ZNF853: variants seen among roughly 807,000 people sequenced by gnomAD.
ZNF853 encodes the protein zinc finger protein 853.
A neutral mutation model predicts 94.7 loss-of-function variants in ZNF853; 57 were observed. That is an observed-to-expected ratio of 0.60 (90% confidence interval 0.49 to 0.75). ZNF853 has a LOEUF of 0.75. ZNF853 is among the 30% of genes least tolerant of loss of function. The pLI is 0.00. For missense variants in ZNF853, 785 were observed against 868.9 expected, an observed-to-expected ratio of 0.90 and a Z score of 1.21; for synonymous variants, 448 against 406.3, an observed-to-expected ratio of 1.10 and a Z score of -1.23.
Position 6,621,833 on chromosome 7 carries a change from A to G in ZNF853, c.842A>G (p.Gln281Arg). 6.4e-7 allele frequency: 1 copy of G among 1,550,704 alleles called. No homozygotes were observed. The highest frequency in any genetic ancestry group is 1.2e-5 in the South Asian group (1 of 84,014). Residue 281 changes from glutamine (Q) to arginine (R), a missense_variant, in exon 3 of 3, where the codon CAG becomes CGG. By Grantham distance (43) the Gln-to-Arg change is conservative. Coordinates refer to ENST00000457543, the MANE Select transcript of ZNF853 (RefSeq NM_017560.3). ...CAGTTACAGCAGCAGCTACTGCTGCAGCAGCAGGAACAGTTACAGCAGCAG... is the reference window on the plus strand; with the variant it reads ...CAGTTACAGCAGCAGCTACTGCTGCGGCAGCAGGAACAGTTACAGCAGCAG... ...QAQLQQQLLLQQQEQLQQQQQ... is the reference protein window; with the variant it reads ...QAQLQQQLLLRQQEQLQQQQQ...
chr7:6,622,852 G>C lies in ZNF853; in HGVS notation c.1861G>C (p.Gly621Arg). The C allele has an allele frequency of 1.4e-6, 2 of 1,472,498 alleles. No individual in the cohort carries two copies. Among genetic ancestry groups the C allele is most frequent in the South Asian group, 1.3e-5 (1 of 77,710 alleles). 91.2% of individuals were successfully genotyped at this position (1,472,498 alleles called of 1,614,324 possible). A position where few individuals can be genotyped will look rare whatever the true frequency, so the allele number is the denominator to read the frequency against. ...CCGCCGCCACGAGCGCCAGCTGCAC[G>C]GCGCGGGCCGCTCCAGGGGCCTCGG... ...QIRRHERQLHGAGRSRGLGLL... is the reference protein window; with the variant it reads ...QIRRHERQLHRAGRSRGLGLL... The change falls in exon 3 of 3, where the codon GGC (glycine) becomes CGC (arginine). Residue 621 changes from glycine to arginine, a missense_variant. By Grantham distance (125) the Gly-to-Arg change is moderately radical. Transcript: ENST00000457543.
In ZNF853 at chr7:6,615,674, C is replaced by T. The variant is rs1782483439; in HGVS notation, c.-501C>T. On this transcript the variant is annotated 5_prime_UTR_variant, in exon 1 of 3. Coordinates refer to ENST00000457543, the MANE Select transcript of ZNF853 (RefSeq NM_017560.3). The surrounding 1 kb of genome is among the most constrained non-coding windows in gnomAD (Gnocchi z 8.5). ...GGGCGGGCGGGCGAGCCCAGGGGGA[C>T]CCGGCCTTGCCGCGGCGCCCGCCCC... 2 of 145,420 alleles carry T rather than the reference C, an allele frequency of 1.4e-5. No individual in the cohort carries two copies. The highest frequency in any genetic ancestry group is 2.0e-4 in the South Asian group (1 of 5,068). The allele number at this position is 145,420 out of a possible 1,614,324, so 9.0% of individuals were successfully genotyped here. A position where few individuals can be genotyped will look rare whatever the true frequency, so the allele number is the denominator to read the frequency against.
Position 6,622,346 on chromosome 7 carries a change from TG to T in ZNF853, c.1357del (p.Ala453GlnfsTer17). ...CAGGAGCTCATGGTGCTGCCCGCCGTGGCAGCGCCGGCCGTGGTGGCCATCC... is the reference window on the plus strand; with the variant it reads ...CAGGAGCTCATGGTGCTGCCCGCCGTGCAGCGCCGGCCGTGGTGGCCATCC... ...VVQELMVLPA[V>X]AAPAVVAIPG... On this transcript the variant is annotated frameshift_variant, in exon 3 of 3. Transcript: ENST00000457543. LOFTEE classifies it high-confidence loss of function. The T allele has an allele frequency of 6.9e-7, 1 of 1,458,702 alleles. No individual in the cohort carries two copies. Among genetic ancestry groups the T allele is most frequent in the East Asian group, 2.9e-5 (1 of 34,084 alleles). 90.4% of individuals were successfully genotyped at this position (1,458,702 alleles called of 1,614,324 possible).
intron 2 of ZNF853, chr7:6,617,521 T>C: frequency 3.3e-6 from 3 of 905,622 alleles, no homozygotes; most frequent in Non-Finnish European, 4.0e-6. Context: ...CCCACATGGG[T>C]GCTGACTGGA....
chr7:6,622,776 G>T lies in ZNF853; in HGVS notation c.1785G>T (p.Arg595=). 6 of 1,542,356 alleles carry T rather than the reference G, an allele frequency of 3.9e-6. No homozygotes were observed. Among genetic ancestry groups the T allele is most frequent in the Non-Finnish European group, 3.5e-6 (4 of 1,147,506 alleles). The part of the protein sequence containing the change: ...LRHRRTHSGE[R]PYVCEDCGER... ...ACCGGCGCACGCACTCGGGCGAGCG[G>T]CCCTACGTGTGCGAGGACTGTGGCG... The change falls in exon 3 of 3, where the codon CGG becomes CGT. Residue 595 remains arginine (R), a synonymous_variant. Transcript: ENST00000457543.
rs572290256 is a variant in ZNF853, at chr7:6,621,527, C to G, written c.536C>G (p.Thr179Arg). The G allele has an allele frequency of 1.3e-6, 2 of 1,550,884 alleles. No homozygotes were observed. Among genetic ancestry groups the G allele is most frequent in the Non-Finnish European group, 1.7e-6 (2 of 1,146,746 alleles). ...CAGCAGCAGCAGGAGCAGTTACAGA[C>G]GCAGCAAGCACAAGAGCAACAGGTA... Reference protein sequence around the residue: ...RLQQQQEQLQTQQAQEQQVLQ... With the variant: ...RLQQQQEQLQRQQAQEQQVLQ... Residue 179 changes from threonine (T) to arginine (R), a missense_variant, in exon 3 of 3, where the codon ACG (threonine) becomes AGG (arginine). Transcript: ENST00000457543.
intron 1 of ZNF853, 87 bp downstream of exon 1, chr7:6,616,273 T>A: frequency 7.2e-7 from 1 of 1,380,876 alleles, no homozygotes; most frequent in Non-Finnish European, 1.0e-6. Flanking sequence ...TCGGCCTGTT[T>A]AGGGGAGAGG....
rs1355482515 is a variant in ZNF853, at chr7:6,621,208, G to A, written c.217G>A (p.Val73Met). ...SPQRPAVSAP[V>M]GASEIAEETR... Reference sequence around the variant, plus strand: ...ACAGCGGCCAGCAGTCTCGGCCCCAGTGGGGGCCAGTGAAATCGCTGAGGA... The same window carrying A: ...ACAGCGGCCAGCAGTCTCGGCCCCAATGGGGGCCAGTGAAATCGCTGAGGA... Residue 73 changes from valine to methionine, a missense_variant, in exon 3 of 3, where the codon GTG becomes ATG. By Grantham distance (21) the Val-to-Met change is conservative. Transcript: ENST00000457543. 4.6e-6 allele frequency: 7 copies of A among 1,534,214 alleles called. No individual in the cohort carries two copies. Among genetic ancestry groups the A allele is most frequent in the Non-Finnish European group, 6.2e-6 (7 of 1,137,948 alleles).
Position 6,621,648 on chromosome 7 carries a change from G to C in ZNF853, c.657G>C (p.Gln219His). 2 of 1,550,004 alleles carry C rather than the reference G, an allele frequency of 1.3e-6. No individual in the cohort carries two copies. The highest frequency in any genetic ancestry group is 2.4e-5 in the South Asian group (2 of 84,004). ...TACAGCAGCAGCAGCTGCTACAACA[G>C]CAGGAACAGTTACAGCAGCAACAGT... The part of the protein sequence containing the change: ...EQLQQQQLLQ[Q>H]QEQLQQQQFQ... Residue 219 changes from glutamine to histidine, a missense_variant, in exon 3 of 3, where the codon CAG becomes CAC. Transcript: ENST00000457543.
In ZNF853 at chr7:6,622,643, G is replaced by T; in HGVS notation, c.1652G>T (p.Ser551Ile). 6.3e-7 allele frequency: 1 copy of T among 1,579,316 alleles called. No individual in the cohort carries two copies. The highest frequency in any genetic ancestry group is 1.4e-5 in the African/African-American group (1 of 73,896). ...TGCTCCTACTGCGCCAAGCGCTTCA[G>T]CGAGAGCTCGGCGCTCGTGCAGCAC... Reference protein sequence around the residue: ...YACSYCAKRFSESSALVQHQR... With the variant: ...YACSYCAKRFIESSALVQHQR... Residue 551 changes from serine to isoleucine, a missense_variant, in exon 3 of 3, where the codon AGC (serine) becomes ATC (isoleucine). Ser to Ile is a moderately radical substitution (Grantham distance 142). Coordinates refer to ENST00000457543, the MANE Select transcript of ZNF853 (RefSeq NM_017560.3).
At position 6,621,689 on chromosome 7, in the gene ZNF853, AAC is replaced by A; in HGVS notation, c.700_701del (p.Gln234ValfsTer276). ...CAGCAACAGTTTCAACAGCAGCAGG[AAC>A]AGTTACAGCAGCAGCAGCAGCTACT... On this transcript the variant is annotated frameshift_variant, in exon 3 of 3. Transcript: ENST00000457543. LOFTEE classifies it high-confidence loss of function. The A allele has an allele frequency of 6.4e-7, 1 of 1,551,510 alleles. No homozygotes were observed. The highest frequency in any genetic ancestry group is 8.7e-7 in the Non-Finnish European group (1 of 1,146,994).
chr7:6,619,396 C>T, intron 2 of ZNF853, among the ~76,000 whole-genome samples: 10 of 152,088 alleles, frequency 6.6e-5, no homozygotes, highest in East Asian at 1.9e-4. Context: ...CTCAGCCTCC[C>T]GAGTAGATGG....
Position 6,616,098 on chromosome 7 carries a change from G to C in ZNF853, c.-77G>C. 6.9e-7 allele frequency: 1 copy of C among 1,456,234 alleles called. No homozygotes were observed. Among genetic ancestry groups the C allele is most frequent in the South Asian group, 1.2e-5 (1 of 80,748 alleles). The allele number at this position is 1,456,234 out of a possible 1,614,324, so 90.2% of individuals were successfully genotyped here. A position where few individuals can be genotyped will look rare whatever the true frequency, so the allele number is the denominator to read the frequency against. On this transcript the variant is annotated 5_prime_UTR_variant, in exon 1 of 3. Transcript: ENST00000457543. ...ATGGAGGCGCCTCCGGAAGGAGCCG[G>C]CTGCACGCCGTGGCCTTCACCTCGC...
Position 6,615,995 on chromosome 7 carries a change from G to C in ZNF853, c.-180G>C, listed in dbSNP as rs11762851. On this transcript the variant is annotated 5_prime_UTR_variant, in exon 1 of 3. Transcript: ENST00000457543. The surrounding 1 kb of genome is among the most constrained non-coding windows in gnomAD (Gnocchi z 8.5). ...CCTTCCCTTGGCCCAGGGCGACCTC[G>C]GCAGCCCAGAGGGCGTGGACCCTCC... 0.29 allele frequency: 153,956 copies of C among 536,974 alleles called. 22,880 individuals are homozygous for C. The highest frequency in any genetic ancestry group is 0.41 in the Admixed American group (12,005 of 29,608). 33.3% of individuals were successfully genotyped at this position (536,974 alleles called of 1,614,324 possible).
At chr7:6,620,911 G>A in intron 2 of ZNF853, among the ~76,000 whole-genome samples, 4 of 152,226 alleles carry the variant, frequency 2.6e-5, no homozygotes, top group African/African-American at 9.6e-5. Flanking sequence ...ACTGTGCCCG[G>A]CCACCTGGGC....
At position 6,615,925 on chromosome 7, in the gene ZNF853, G is replaced by A. The variant is rs970922140; in HGVS notation, c.-250G>A. On this transcript the variant is annotated 5_prime_UTR_variant, in exon 1 of 3. Coordinates refer to ENST00000457543, the MANE Select transcript of ZNF853 (RefSeq NM_017560.3). This position sits in a 1 kb window ranked among gnomAD's most constrained non-coding sequence, Gnocchi z 8.5. The stretch of plus-strand genomic sequence containing the variant: ...GGCCCTGCCTCCCGCCCCAGCCCCC[G>A]CCGGAGAGTCTCCACCAACTTCTGC... 5 of 376,778 alleles carry A rather than the reference G, an allele frequency of 1.3e-5. No individual in the cohort carries two copies. In the Admixed American group the frequency reaches 1.9e-4, roughly 14 times the overall value. The allele number at this position is 376,778 out of a possible 1,614,324, so 23.3% of individuals were successfully genotyped here.
Position 6,622,051 on chromosome 7 carries a change from C to G in ZNF853, c.1060C>G (p.Gln354Glu). 1 of 1,547,804 alleles carries G rather than the reference C, an allele frequency of 6.5e-7. No homozygotes were observed. Among genetic ancestry groups the G allele is most frequent in the Non-Finnish European group, 8.7e-7 (1 of 1,146,392 alleles). The change falls in exon 3 of 3, where the codon CAG becomes GAG. Residue 354 changes from glutamine to glutamate, a missense_variant. By Grantham distance (29) the Gln-to-Glu change is conservative. Coordinates refer to ENST00000457543, the MANE Select transcript of ZNF853 (RefSeq NM_017560.3). ...RQQELERQQE[Q>E]RQLQLKLQEE... ...GCAGGAGCTGGAACGGCAGCAGGAG[C>G]AGCGGCAGCTGCAGCTCAAACTGCA...
At position 6,622,793 on chromosome 7, in the gene ZNF853, A is replaced by G. The variant is rs1164203583; in HGVS notation, c.1802A>G (p.Asp601Gly). The G allele has an allele frequency of 6.5e-7, 1 of 1,536,896 alleles. No homozygotes were observed. The highest frequency in any genetic ancestry group is 8.7e-7 in the Non-Finnish European group (1 of 1,145,490). Residue 601 changes from aspartate (D) to glycine (G), a missense_variant, in exon 3 of 3, where the codon GAC (aspartate) becomes GGC (glycine). Transcript: ENST00000457543. ...GGCGAGCGGCCCTACGTGTGCGAGG[A>G]CTGTGGCGAGCGCTTCCGACACAAG... ...HSGERPYVCE[D>G]CGERFRHKVQ...
intron 2 of ZNF853, among the ~76,000 whole-genome samples, chr7:6,619,062 C>T: frequency 9.1e-6 from 1 of 109,904 alleles, no homozygotes; most frequent in Non-Finnish European, 1.7e-5. Flanking sequence ...TTTTTTGAGA[C>T]AGAGTCTCAC....
Sources: allele counts gnomAD v4.1 joint callset (sites outside exome capture counted in the v4.1 genomes callset), GRCh38; gene constraint gnomAD v4.1.1; non-coding constraint Gnocchi (gnomAD v3.1); transcripts MANE v1.5; gene names NCBI Gene and HGNC (gene_info 2026-07-23, HGNC 2026-07-21).